CPSF4L: variants seen among roughly 807,000 people sequenced by gnomAD.
CPSF4L encodes the protein cleavage and polyadenylation specific factor 4 like, also known as putative cleavage and polyadenylation specificity factor subunit 4-like protein.
CPSF4L carries 18 observed loss-of-function variants against 24.0 expected under a neutral mutation model. The ratio of observed to expected loss-of-function variants is 0.75; its 90% CI spans 0.52 to 1.11. The LOEUF is 1.11. CPSF4L is among the 50% of genes least tolerant of loss of function. The pLI is 0.00. For synonymous variants in CPSF4L, 72 were observed against 77.2 expected, an observed-to-expected ratio of 0.93 and a Z score of 0.35; for missense variants, 211 against 221.8, an observed-to-expected ratio of 0.95 and a Z score of 0.31.
At chr17:73,246,860 C>T (rs558827581), downstream of CPSF4L, among the ~76,000 whole-genome samples, 3 of 152,236 alleles carry the variant, frequency 2.0e-5, no homozygotes, top group African/African-American at 7.2e-5. Context: ...TCTTCCCTGC[C>T]GAAAGAGCTT....
chr17:73,242,609 T>C, the CPSF4L span, among the ~76,000 whole-genome samples: 3 of 152,168 alleles, frequency 2.0e-5, no homozygotes, highest in African/African-American at 4.8e-5. Flanking sequence ...CCCACATTGA[T>C]TGTGCCTCCT....
At chr17:73,242,345 CA>C in the CPSF4L span, 3 of 1,572,790 alleles carry the variant, frequency 1.9e-6, no homozygotes, top group African/African-American at 1.4e-5. Flanking sequence ...GGGAGCTGTA[CA>C]AAAAGGTGAG....
chr17:73,242,503 T>C, the CPSF4L span: 2 of 532,672 alleles, frequency 3.8e-6, no homozygotes, highest in Middle Eastern at 5.9e-4. Flanking sequence ...TGTGTTCATT[T>C]TGGAGTTGGA....
chr17:73,251,172 A>G, intron 5 of CPSF4L: 1 of 1,422,848 alleles, frequency 7.0e-7, no homozygotes, highest in Non-Finnish European at 9.3e-7. Flanking sequence ...CCAACTTCAC[A>G]GAGGGCCGGG....
downstream of CPSF4L, chr17:73,245,268 G>A: frequency 6.5e-7 from 1 of 1,543,344 alleles, no homozygotes; most frequent in East Asian, 2.3e-5. Flanking sequence ...ATACTTAACA[G>A]TTTAAAAATG....
At chr17:73,258,183 G>C (rs991189222) in intron 2 of CPSF4L, among the ~76,000 whole-genome samples, 1 of 151,964 alleles carries the variant, frequency 6.6e-6, no homozygotes, top group Admixed American at 6.6e-5. Context: ...CTAATTTTTT[G>C]TATTTTTTAG....
intron 5 of CPSF4L, among the ~76,000 whole-genome samples, chr17:73,252,113 A>G (rs1379084916): frequency 6.6e-6 from 1 of 151,900 alleles, no homozygotes; most frequent in Non-Finnish European, 1.5e-5. Context: ...GAGTGGGAAT[A>G]AAGGGATGAG....
chr17:73,256,042 T>A (rs919632612), intron 3 of CPSF4L, among the ~76,000 whole-genome samples: 4 of 152,220 alleles, frequency 2.6e-5, no homozygotes, highest in Non-Finnish European at 5.9e-5. Flanking sequence ...ATTCATTTAC[T>A]GTAAGAACAG....
chr17:73,242,163 C>T, the CPSF4L span: 11 of 868,662 alleles, frequency 1.3e-5, no homozygotes, highest in African/African-American at 1.4e-4. Context: ...GAGGCTTAGC[C>T]GTGGATCCTT....
At chr17:73,258,974 G>A (rs532821267) in intron 2 of CPSF4L, among the ~76,000 whole-genome samples, 85 of 152,334 alleles carry the variant, frequency 5.6e-4, no homozygotes, top group Middle Eastern at 6.8e-3. Context: ...ACATTTAACT[G>A]CTTTATCATC....
downstream of CPSF4L, chr17:73,247,402 T>G: frequency 3.2e-6 from 5 of 1,557,570 alleles, no homozygotes; most frequent in Non-Finnish European, 4.4e-6. Flanking sequence ...GTGCCCTGTG[T>G]TGCCCACTGA....
At chr17:73,251,081 A>G in intron 5 of CPSF4L, 1 of 1,548,568 alleles carries the variant, frequency 6.5e-7, no homozygotes, top group East Asian at 2.4e-5. Flanking sequence ...GAGGTGCTGA[A>G]TCCCGGGGCC....
At chr17:73,245,395 CTGGA>C (rs2061936556), downstream of CPSF4L, 3 of 1,226,914 alleles carry the variant, frequency 2.4e-6, no homozygotes, top group Non-Finnish European at 1.0e-6. Flanking sequence ...CTGGTTCTGT[CTGGA>C]TGTTCTTGGC....
At chr17:73,250,430 C>T in intron 5 of CPSF4L, 3 of 1,267,910 alleles carry the variant, frequency 2.4e-6, no homozygotes, top group East Asian at 2.6e-5. Context: ...GTTGGTGAAG[C>T]TTATTTCAGG....
chr17:73,260,065 T>C (rs927985517), intron 2 of CPSF4L, among the ~76,000 whole-genome samples: 3 of 152,154 alleles, frequency 2.0e-5, no homozygotes, highest in African/African-American at 2.4e-5. Context: ...GAAGACAGTA[T>C]TGACCCAAAG....
chr17:73,244,534 C>G (rs1413513233), downstream of CPSF4L: 1 of 118,796 alleles, frequency 8.4e-6, no homozygotes, highest in Non-Finnish European at 1.6e-5. Flanking sequence ...CTACTCCAGC[C>G]TGGGCAACAA....
chr17:73,253,511 G>A (rs2062013119), intron 4 of CPSF4L, among the ~76,000 whole-genome samples: 1 of 152,228 alleles, frequency 6.6e-6, no homozygotes, highest in African/African-American at 2.4e-5. Flanking sequence ...GCTGGGGTAA[G>A]CTGCCTCTTA....
At chr17:73,247,395 C>A, downstream of CPSF4L, 1 of 1,565,164 alleles carries the variant, frequency 6.4e-7, no homozygotes, top group Non-Finnish European at 8.8e-7. Flanking sequence ...TGCCTTCGTG[C>A]CCTGTGTTGC....
intron 2 of CPSF4L, among the ~76,000 whole-genome samples, chr17:73,260,294 C>CA (rs767416105): frequency 1.8e-4 from 28 of 152,188 alleles, no homozygotes; most frequent in Non-Finnish European, 2.4e-4. Flanking sequence ...GGCCAAAGCT[C>CA]AGACACACGC....
Sources: gnomAD v4.1 joint callset for allele counts (sites outside exome capture counted in the v4.1 genomes callset) on GRCh38, gnomAD v4.1.1 for gene constraint, MANE v1.5 for transcripts, NCBI Gene and HGNC (gene_info 2026-07-23, HGNC 2026-07-21) for gene names.